PRPF19: variants seen among roughly 807,000 people sequenced by gnomAD.
PRPF19 encodes the protein pre-mRNA-processing factor 19.
Under a neutral mutation model 64.2 loss-of-function variants are expected in PRPF19, and 2 were observed. That is an observed-to-expected ratio of 0.03 (90% CI 0.01 to 0.10). The LOEUF (loss-of-function observed/expected upper bound fraction) is 0.10. Ranked by LOEUF, PRPF19 falls within the 10% of genes least tolerant of loss-of-function variation. The probability of loss-of-function intolerance (pLI) is 1.00; values close to 1 mark genes in which losing one functional copy is unlikely to be tolerated. For synonymous variants in PRPF19, 226 were observed against 251.6 expected (o/e 0.90, Z 0.96); for missense variants, 314 against 650.0 (o/e 0.48, Z 5.62).
chr11:60,895,445 G>C (rs371967087), intron 15 of PRPF19, among the ~76,000 whole-genome samples: 1 of 152,194 alleles, frequency 6.6e-6, no homozygotes, highest in African/African-American at 2.4e-5. Context: ...CAAGAGTTAG[G>C]ATCTTGGTCT....
At position 60,898,531 on chromosome 11, in the gene PRPF19, C is replaced by A. The variant is rs1438264263; in HGVS notation, c.1140+10G>T. ...CCCTGGGCCTCAGATGGAGGCCTAC[C>A]ATGTCCTACCTTCAAGTCCCAGATC... is the stretch of plus-strand genomic sequence containing the variant. On this transcript the variant is annotated intron_variant, in intron 13 of 15. Coordinates refer to ENST00000227524, the MANE Select transcript of PRPF19 (RefSeq NM_014502.5). The surrounding 1 kb of genome is among the most constrained non-coding windows in gnomAD (Gnocchi z 4.6). 2 of 1,614,014 alleles carry A rather than the reference C, an allele frequency of 1.2e-6. No individual in the cohort carries two copies. The highest frequency in any genetic ancestry group is 2.2e-5 in the East Asian group (1 of 44,888).
At position 60,901,458 on chromosome 11, in the gene PRPF19, C is replaced by A. The variant is rs145371269; in HGVS notation, c.567+41G>T. ...CTCCTAAGGAGTCAACCGCCTCCCACCAGGCCAGCTCTTTCTCCAGGCTTC... is the reference window on the plus strand; with the variant it reads ...CTCCTAAGGAGTCAACCGCCTCCCAACAGGCCAGCTCTTTCTCCAGGCTTC... On this transcript the variant is annotated intron_variant, in intron 7 of 15. Coordinates refer to ENST00000227524, the MANE Select transcript of PRPF19 (RefSeq NM_014502.5). 6,811 of 1,614,144 alleles carry A rather than the reference C, an allele frequency of 4.2e-3. 24 individuals are homozygous for A. Among genetic ancestry groups the A allele is most frequent in the Middle Eastern group, 8.6e-3 (52 of 6,062 alleles).
rs139431916 is a variant in PRPF19 at position 60,903,372 on chromosome 11, T to C, written c.246+87A>G. 60 of 1,342,818 alleles carry C rather than the reference T, an allele frequency of 4.5e-5. 1 individual carries two copies. In the East Asian group the frequency reaches 1.2e-3, roughly 27 times the overall value. The allele number at this position is 1,342,818 out of a possible 1,614,324, so 83.2% of individuals were successfully genotyped here. On this transcript the variant is annotated intron_variant, in intron 3 of 15. Coordinates refer to ENST00000227524, the MANE Select transcript of PRPF19 (RefSeq NM_014502.5). ...GTCACAAAGTTTACCCTCTAAATAA[T>C]GCTCCATCCTTCCTACCCCCAAGTC... is the stretch of plus-strand genomic sequence containing the variant.
At chr11:60,901,636 A>T (rs1359927250) in intron 6 of PRPF19, 96 bp from the exon 7 acceptor site, 4 of 1,417,660 alleles carry the variant, frequency 2.8e-6, no homozygotes, top group Non-Finnish European at 3.9e-6. Flanking sequence ...AGCAGCACCA[A>T]GAACTTGCTA....
At chr11:60,897,706 G>A in intron 15 of PRPF19, 140 bp downstream of exon 15, 3 of 676,386 alleles carry the variant, frequency 4.4e-6, no homozygotes, top group Admixed American at 2.8e-5. Flanking sequence ...TGCTTCCTTA[G>A]TCATAAAGCT....
chr11:60,905,325 C>T (rs568300805), intron 1 of PRPF19: 3 of 152,314 alleles, frequency 2.0e-5, no homozygotes, highest in South Asian at 4.1e-4. Flanking sequence ...TAAAAGAGAG[C>T]TTCCCGAAGA....
intron 15 of PRPF19, among the ~76,000 whole-genome samples, chr11:60,896,598 T>A (rs1855922733): frequency 1.3e-5 from 2 of 152,348 alleles, no homozygotes; most frequent in South Asian, 4.1e-4. Flanking sequence ...CCTGTTGCCA[T>A]GTAAAGAAAG....
At position 60,891,055 on chromosome 11, in the gene PRPF19, C is replaced by T. The variant is rs1267219930; in HGVS notation, c.*111G>A. The T allele has an allele frequency of 1.3e-5, 8 of 607,646 alleles. No homozygotes were observed. The highest frequency in any genetic ancestry group is 3.9e-5 in the African/African-American group (2 of 51,766). The allele number at this position is 607,646 out of a possible 1,614,324, so 37.6% of individuals were successfully genotyped here. A position where few individuals can be genotyped will look rare whatever the true frequency, so the allele number is the denominator to read the frequency against. On this transcript the variant is annotated 3_prime_UTR_variant, in exon 16 of 16. Transcript: ENST00000227524. Reference sequence around the variant, plus strand: ...GACCAGAGTGAAATGATGTGAATGTCCCACCCCACAGAGCCCCCTCCCCCC... The same window carrying T: ...GACCAGAGTGAAATGATGTGAATGTTCCACCCCACAGAGCCCCCTCCCCCC...
At chr11:60,896,240 G>A (rs556111242) in intron 15 of PRPF19, among the ~76,000 whole-genome samples, 2 of 152,294 alleles carry the variant, frequency 1.3e-5, no homozygotes, top group Admixed American at 6.5e-5. Flanking sequence ...AAAGTTAACT[G>A]TAAAACAGCA....
chr11:60,901,286 G>C lies in PRPF19; in HGVS notation c.642+9C>G. 6.2e-7 allele frequency: 1 copy of C among 1,613,838 alleles called. No individual in the cohort carries two copies. Among genetic ancestry groups the C allele is most frequent in the Non-Finnish European group, 8.5e-7 (1 of 1,179,966 alleles). The stretch of plus-strand genomic sequence containing the variant: ...CTGTCTCCAAGACAGTGGAGACCCA[G>C]ACACTCACCACGTGGGATGCCACCT... On this transcript the variant is annotated intron_variant, in intron 8 of 15. Coordinates refer to ENST00000227524, the MANE Select transcript of PRPF19 (RefSeq NM_014502.5).
At chr11:60,897,005 T>C (rs1375515566) in intron 15 of PRPF19, among the ~76,000 whole-genome samples, 1 of 152,200 alleles carries the variant, frequency 6.6e-6, no homozygotes. Context: ...AAAAGTTTTT[T>C]ATGAATTTAG....
Position 60,898,308 on chromosome 11 carries a change from A to G in PRPF19, c.1141-37T>C, listed in dbSNP as rs1368634884. On this transcript the variant is annotated intron_variant, in intron 13 of 15. Transcript: ENST00000227524. This position sits in a 1 kb window ranked among gnomAD's most constrained non-coding sequence, Gnocchi z 4.6. ...GTGGGTAGTAAAATACGTCACCCAC[A>G]GATCATGAGAGGAAGAAAATGGGGC... The G allele has an allele frequency of 6.3e-7, 1 of 1,599,466 alleles. No individual in the cohort carries two copies. The highest frequency in any genetic ancestry group is 8.5e-7 in the Non-Finnish European group (1 of 1,173,200).
intron 7 of PRPF19, 32 bp downstream of exon 7, chr11:60,901,467 C>T (rs1457095150): frequency 1.2e-6 from 2 of 1,614,180 alleles, no homozygotes; most frequent in South Asian, 2.2e-5. Context: ...ACCAGGCCAG[C>T]TCTTTCTCCA....
intron 1 of PRPF19, 91 bp from the exon 2 acceptor site, chr11:60,903,952 G>T (rs1856014707): frequency 6.8e-7 from 1 of 1,464,894 alleles, no homozygotes; most frequent in African/African-American, 1.4e-5. Context: ...ACAAGACTAG[G>T]CATCCTCACA....
chr11:60,903,276 G>T (rs939507297), intron 3 of PRPF19, among the ~76,000 whole-genome samples, 183 bp downstream of exon 3: 4 of 152,100 alleles, frequency 2.6e-5, no homozygotes, highest in African/African-American at 9.7e-5. Context: ...CATAACTCTA[G>T]AGCACCTACT....
At position 60,898,345 on chromosome 11, in the gene PRPF19, C is replaced by A. The variant is rs1855944409; in HGVS notation, c.1141-74G>T. ...GAAGAAAATGGGGCTCACCAAACTCCTACCTGAGATGTCCCTCACGTCCTT... is the reference window on the plus strand; with the variant it reads ...GAAGAAAATGGGGCTCACCAAACTCATACCTGAGATGTCCCTCACGTCCTT... On this transcript the variant is annotated intron_variant, in intron 13 of 15. Transcript: ENST00000227524. The surrounding 1 kb of genome is among the most constrained non-coding windows in gnomAD (Gnocchi z 4.6). The A allele has an allele frequency of 1.9e-6, 3 of 1,561,882 alleles. No homozygotes were observed. Among genetic ancestry groups the A allele is most frequent in the African/African-American group, 2.7e-5 (2 of 73,504 alleles).
intron 1 of PRPF19, among the ~76,000 whole-genome samples, chr11:60,904,527 G>C (rs1013821433): frequency 1.3e-5 from 2 of 152,124 alleles, no homozygotes; most frequent in Non-Finnish European, 2.9e-5. Context: ...CTGTTCTTCT[G>C]ATCTACCAGC....
At chr11:60,903,580 T>A in intron 2 of PRPF19, 45 bp from the exon 3 acceptor site, 2 of 1,600,074 alleles carry the variant, frequency 1.2e-6, no homozygotes, top group South Asian at 1.1e-5. Context: ...CCCAGGGGCC[T>A]CCCCCGCCAT....
intron 15 of PRPF19, among the ~76,000 whole-genome samples, chr11:60,891,804 G>A (rs971379691): frequency 6.6e-6 from 1 of 152,188 alleles, no homozygotes; most frequent in Non-Finnish European, 1.5e-5. Context: ...AAAAGCTCAC[G>A]CTGTATTTTC....
Sources: gnomAD v4.1 joint callset for allele counts (sites outside exome capture counted in the v4.1 genomes callset) on GRCh38, gnomAD v4.1.1 for gene constraint, Gnocchi (gnomAD v3.1) non-coding constraint, MANE v1.5 for transcripts, NCBI Gene and HGNC (gene_info 2026-07-23, HGNC 2026-07-21) for gene names.